The following CNTNAP2 variants were observed in gnomAD, a reference collection of about 807,000 sequenced individuals.
CNTNAP2 encodes contactin associated protein 2, also known as contactin-associated protein-like 2.
A neutral mutation model predicts 155.2 loss-of-function variants in CNTNAP2; 98 were observed. That is an observed-to-expected ratio of 0.63 (90% CI 0.54 to 0.75). The LOEUF (loss-of-function observed/expected upper bound fraction) is 0.75, where lower values mean the gene tolerates loss of function less well. CNTNAP2 is among the 30% of genes least tolerant of loss of function. The pLI is 0.00. For missense variants in CNTNAP2, 1,727 were observed against 1,688.1 expected, an observed-to-expected ratio of 1.02 and a Z score of -0.40; for synonymous variants, 651 against 631.2, an observed-to-expected ratio of 1.03 and a Z score of -0.47.
intron 10 of CNTNAP2, among the ~76,000 whole-genome samples, chr7:147,410,749 A>G (rs1468046319): frequency 6.6e-6 from 1 of 152,226 alleles, no homozygotes; most frequent in African/African-American, 2.4e-5. Flanking sequence ...ATACACACAC[A>G]GGAATATAAG....
chr7:148,344,942 G>C (rs182835090), intron 21 of CNTNAP2, among the ~76,000 whole-genome samples: 1 of 152,278 alleles, frequency 6.6e-6, no homozygotes, highest in Admixed American at 6.5e-5. Context: ...AGTCCATGCC[G>C]CGATTTAGCC....
chr7:147,380,528 A>G (rs139919243), intron 9 of CNTNAP2, among the ~76,000 whole-genome samples: 93 of 152,258 alleles, frequency 6.1e-4, no homozygotes, highest in African/African-American at 2.1e-3. Flanking sequence ...AATGGCAGTC[A>G]CAGGCTCCTA....
At chr7:147,800,270 C>G (rs996031671) in intron 13 of CNTNAP2, among the ~76,000 whole-genome samples, 8 of 151,934 alleles carry the variant, frequency 5.3e-5, no homozygotes, top group African/African-American at 1.5e-4. Flanking sequence ...GGGATCCCTC[C>G]CAAAGTTATT....
intron 10 of CNTNAP2, among the ~76,000 whole-genome samples, chr7:147,409,183 T>C (rs941096964): frequency 6.6e-6 from 1 of 152,136 alleles, no homozygotes; most frequent in Non-Finnish European, 1.5e-5. Context: ...TAGCAGCAAT[T>C]GAGCAATAGA....
chr7:148,005,121 A>G (rs1801952582), intron 15 of CNTNAP2, among the ~76,000 whole-genome samples: 1 of 152,170 alleles, frequency 6.6e-6, no homozygotes, highest in South Asian at 2.1e-4. Context: ...TGAAATTTGT[A>G]TCTCCCAGGT....
intron 8 of CNTNAP2, among the ~76,000 whole-genome samples, chr7:147,290,668 G>T (rs1319889786): frequency 7.7e-6 from 1 of 130,446 alleles, no homozygotes; most frequent in Non-Finnish European, 1.6e-5. Context: ...CAGTGACAGA[G>T]TGAGACTCCA....
intron 1 of CNTNAP2, among the ~76,000 whole-genome samples, chr7:146,404,423 C>A (rs575706102): frequency 6.6e-6 from 1 of 152,082 alleles, no homozygotes; most frequent in Non-Finnish European, 1.5e-5. Context: ...GTGCAGCATC[C>A]GCAGCAACAT....
At chr7:147,106,322 T>C (rs1800764446) in intron 4 of CNTNAP2, among the ~76,000 whole-genome samples, 1 of 152,138 alleles carries the variant, frequency 6.6e-6, no homozygotes. Context: ...TTATACGTTC[T>C]CCTTTATTTC....
At chr7:147,100,863 G>A (rs1800638112) in intron 4 of CNTNAP2, among the ~76,000 whole-genome samples, 1 of 152,160 alleles carries the variant, frequency 6.6e-6, no homozygotes, top group African/African-American at 2.4e-5. Context: ...AGAGCTTCAA[G>A]TCCACAGGAA....
At chr7:147,243,631 A>C (rs1301645000) in intron 8 of CNTNAP2, among the ~76,000 whole-genome samples, 1 of 152,182 alleles carries the variant, frequency 6.6e-6, no homozygotes, top group East Asian at 1.9e-4. Context: ...CTGATTTTTC[A>C]TCAGTGTCCT....
At chr7:148,331,804 G>GGATGGAAC (rs1444403590) in intron 21 of CNTNAP2, among the ~76,000 whole-genome samples, 6 of 150,308 alleles carry the variant, frequency 4.0e-5, no homozygotes, top group Non-Finnish European at 5.9e-5. Flanking sequence ...TGGATAGAAT[G>GGATGGAAC]GCCTCCTCTT....
intron 10 of CNTNAP2, among the ~76,000 whole-genome samples, chr7:147,430,370 GT>G (rs1196978491): frequency 6.6e-6 from 1 of 152,138 alleles, no homozygotes; most frequent in Non-Finnish European, 1.5e-5. Flanking sequence ...TATTTAACTG[GT>G]TTTTCTAACC....
At chr7:146,377,812 A>G (rs1795324563) in intron 1 of CNTNAP2, among the ~76,000 whole-genome samples, 1 of 152,222 alleles carries the variant, frequency 6.6e-6, no homozygotes, top group Admixed American at 6.5e-5. Flanking sequence ...GCTATAAAAG[A>G]AACATTCATC....
chr7:147,264,949 T>C (rs1328748774), intron 8 of CNTNAP2, among the ~76,000 whole-genome samples: 2 of 152,026 alleles, frequency 1.3e-5, no homozygotes, highest in Non-Finnish European at 2.9e-5. Context: ...AGGAAGGTTA[T>C]TTACATATTA....
chr7:146,406,810 T>G (rs1795798817), intron 1 of CNTNAP2, among the ~76,000 whole-genome samples: 1 of 152,192 alleles, frequency 6.6e-6, no homozygotes, highest in Non-Finnish European at 1.5e-5. Context: ...CTATCATCCT[T>G]AGATCTGAAG....
At chr7:147,388,991 G>A (rs1563185695) in intron 9 of CNTNAP2, among the ~76,000 whole-genome samples, 1 of 152,194 alleles carries the variant, frequency 6.6e-6, no homozygotes, top group East Asian at 1.9e-4. Flanking sequence ...CCAGCCACAT[G>A]GGGTGGAGAT....
At chr7:147,689,010 C>G (rs1248054604) in intron 13 of CNTNAP2, among the ~76,000 whole-genome samples, 1 of 152,136 alleles carries the variant, frequency 6.6e-6, no homozygotes, top group Non-Finnish European at 1.5e-5. Context: ...CTGTCACAAG[C>G]TGCATAATTC....
chr7:148,261,729 A>T (rs1297968523), intron 20 of CNTNAP2, among the ~76,000 whole-genome samples: 2 of 152,134 alleles, frequency 1.3e-5, no homozygotes, highest in Non-Finnish European at 2.9e-5. Flanking sequence ...GGCGGTTCAG[A>T]CACACGTCCA....
intron 1 of CNTNAP2, among the ~76,000 whole-genome samples, chr7:146,237,057 G>A (rs1799486459): frequency 6.6e-6 from 1 of 152,114 alleles, no homozygotes; most frequent in African/African-American, 2.4e-5. Context: ...AAACACGGGG[G>A]GAGCTAAAAC....
Sources: allele counts gnomAD v4.1 joint callset (sites outside exome capture counted in the v4.1 genomes callset), GRCh38; gene constraint gnomAD v4.1.1; transcripts MANE v1.5; gene names NCBI Gene and HGNC (gene_info 2026-07-23, HGNC 2026-07-21).